Variants in MITF observed in about 807,000 individuals in gnomAD.
The protein encoded by MITF is microphthalmia-associated transcription factor.
In MITF, 17 loss-of-function variants were observed where a neutral mutation model predicts 60.5. That is an observed-to-expected ratio of 0.28 (90% confidence interval 0.19 to 0.42). MITF has a LOEUF of 0.42. Ranked by LOEUF, MITF falls within the 10% of genes least tolerant of loss-of-function variation. The pLI is 1.00. For missense variants in MITF, 622 were observed against 683.5 expected, an observed-to-expected ratio of 0.91 and a Z score of 1.00; for synonymous variants, 260 against 248.5, an observed-to-expected ratio of 1.05 and a Z score of -0.43.
intron 2 of MITF, chr3:69,936,483 C>A: frequency 1.2e-6 from 1 of 812,862 alleles, no homozygotes; most frequent in Non-Finnish European, 1.7e-6. Flanking sequence ...CATTTAAGAC[C>A]AAACTCGTAG....
intron 2 of MITF, among the ~76,000 whole-genome samples, chr3:69,927,701 TGG>T (rs2065625548): frequency 6.6e-6 from 1 of 152,194 alleles, no homozygotes; most frequent in South Asian, 2.1e-4. Context: ...TAGCAATGTT[TGG>T]AGCCAGTTTT....
At chr3:69,754,831 G>A (rs1704070326) in intron 1 of MITF, among the ~76,000 whole-genome samples, 1 of 149,026 alleles carries the variant, frequency 6.7e-6, no homozygotes, top group Admixed American at 6.7e-5. Flanking sequence ...GATTACCTCT[G>A]TATTCACAGC....
intron 1 of MITF, among the ~76,000 whole-genome samples, chr3:69,791,651 C>G (rs1036274260): frequency 1.3e-5 from 2 of 152,026 alleles, no homozygotes; most frequent in African/African-American, 4.8e-5. Context: ...ACAGTTTTTT[C>G]TCTTTTAAAT....
rs189708640 is a variant in MITF, at chr3:69,802,263, T to C, written c.104+62562T>C. Among the ~76,000 whole-genome samples the C allele has an allele frequency of 3.8e-3, 579 of 152,190 alleles. 1 individual carries two copies. Among genetic ancestry groups the C allele is most frequent in the Non-Finnish European group, 5.6e-3 (380 of 68,012 alleles). ...GTGCTGCCGAACATTCTGGAATGCA[T>C]AGGACAGCCTCTGCAACAATGATCC... On this transcript the variant is annotated intron_variant, in intron 1 of 9. Transcript: ENST00000352241.
chr3:69,818,665 A>G (rs2107034072), intron 1 of MITF, among the ~76,000 whole-genome samples: 1 of 152,360 alleles, frequency 6.6e-6, no homozygotes, highest in East Asian at 1.9e-4. Flanking sequence ...GAAAACATGA[A>G]TTAAGTACAG....
chr3:69,835,851 C>T (rs775379993), intron 1 of MITF, among the ~76,000 whole-genome samples: 8 of 152,020 alleles, frequency 5.3e-5, no homozygotes, highest in Non-Finnish European at 7.4e-5. Flanking sequence ...GTTTTTATGC[C>T]AGTACCATGC....
intron 1 of MITF, among the ~76,000 whole-genome samples, chr3:69,812,494 A>G (rs1404133981): frequency 6.6e-6 from 1 of 152,216 alleles, no homozygotes; most frequent in East Asian, 1.9e-4. Flanking sequence ...TTAAGTGTTC[A>G]TTGAATTCTA....
intron 2 of MITF, among the ~76,000 whole-genome samples, chr3:69,892,713 C>A (rs899776188): frequency 6.6e-6 from 1 of 152,146 alleles, no homozygotes; most frequent in East Asian, 1.9e-4. Flanking sequence ...AATGGTAGCA[C>A]AAAATGGCCC....
chr3:69,809,664 G>T (rs952322738), intron 1 of MITF, among the ~76,000 whole-genome samples: 7 of 148,796 alleles, frequency 4.7e-5, no homozygotes, highest in African/African-American at 1.5e-4. Context: ...TTGCTATTGC[G>T]TATAACATAG....
At chr3:69,760,273 A>G (rs2062192697) in intron 1 of MITF, among the ~76,000 whole-genome samples, 1 of 152,144 alleles carries the variant, frequency 6.6e-6, no homozygotes, top group African/African-American at 2.4e-5. Flanking sequence ...TTGCTGAAAA[A>G]TCCAGCAAAA....
chr3:69,884,331 A>C (rs908845563), intron 2 of MITF, among the ~76,000 whole-genome samples: 1 of 152,156 alleles, frequency 6.6e-6, no homozygotes, highest in Non-Finnish European at 1.5e-5. Flanking sequence ...GTCTGAAGAA[A>C]TATGTTAGTC....
intron 2 of MITF, among the ~76,000 whole-genome samples, chr3:69,920,776 C>A (rs555725434): frequency 6.6e-6 from 1 of 152,160 alleles, no homozygotes. Context: ...AGTGGTTCCC[C>A]GGGCCCAGCT....
intron 1 of MITF, among the ~76,000 whole-genome samples, chr3:69,847,392 T>A (rs950450203): frequency 1.3e-5 from 2 of 152,172 alleles, no homozygotes; most frequent in African/African-American, 4.8e-5. Flanking sequence ...TAGAGGAGAT[T>A]GAAAAGGCTG....
At chr3:69,790,706 C>A (rs570217314) in intron 1 of MITF, among the ~76,000 whole-genome samples, 1 of 152,136 alleles carries the variant, frequency 6.6e-6, no homozygotes, top group Non-Finnish European at 1.5e-5. Context: ...CCCTATATCT[C>A]GCTTCTCTTG....
At position 69,949,044 on chromosome 3, in the gene MITF, T is replaced by C; in HGVS notation, c.763-7T>C. On this transcript the variant is annotated splice_polypyrimidine_tract_variant and splice_region_variant and intron_variant, in intron 5 of 9. Transcript: ENST00000352241. ...GTTAATTTCTGTTACTGTTTGTCTC[T>C]CTCTAGTTGCCTGTCTCGGGAAACT... The C allele has an allele frequency of 6.2e-7, 1 of 1,600,750 alleles. No individual in the cohort carries two copies. The highest frequency in any genetic ancestry group is 8.6e-7 in the Non-Finnish European group (1 of 1,168,008).
chr3:69,823,218 T>C (rs1023264480), intron 1 of MITF, among the ~76,000 whole-genome samples: 3 of 152,182 alleles, frequency 2.0e-5, no homozygotes, highest in Admixed American at 1.3e-4. Context: ...GTCTTTAGAC[T>C]TAAGGCTTGT....
At chr3:69,913,882 A>G (rs1307979364) in intron 2 of MITF, among the ~76,000 whole-genome samples, 9 of 152,224 alleles carry the variant, frequency 5.9e-5, no homozygotes, top group African/African-American at 2.2e-4. Context: ...GATTTGATAT[A>G]GTGCTTTTTA....
At chr3:69,799,084 T>C (rs1559637449) in intron 1 of MITF, among the ~76,000 whole-genome samples, 1 of 152,312 alleles carries the variant, frequency 6.6e-6, no homozygotes, top group East Asian at 1.9e-4. Context: ...AACACACTCA[T>C]TTGTTGAGGG....
At chr3:69,887,712 G>A (rs988468410) in intron 2 of MITF, among the ~76,000 whole-genome samples, 1 of 151,976 alleles carries the variant, frequency 6.6e-6, no homozygotes, top group Non-Finnish European at 1.5e-5. Flanking sequence ...CCTAGAAAAG[G>A]GTATAGGTGA....
Sources: gnomAD v4.1 joint callset for allele counts (sites outside exome capture counted in the v4.1 genomes callset) on GRCh38, gnomAD v4.1.1 for gene constraint, MANE v1.5 for transcripts, NCBI Gene and HGNC (gene_info 2026-07-23, HGNC 2026-07-21) for gene names.